Variants in SYN1 observed in about 807,000 individuals in gnomAD.
SYN1 encodes the protein synapsin I.
Under a neutral mutation model 44.6 loss-of-function variants are expected in SYN1, and 8 were observed. The ratio of observed to expected loss-of-function variants is 0.18; its 90% CI spans 0.11 to 0.32. The LOEUF is 0.32. SYN1 is among the 10% of genes least tolerant of loss of function. The pLI is 1.00. For synonymous variants in SYN1, 275 were observed against 280.1 expected (o/e 0.98, Z 0.18); for missense variants, 451 against 639.4 (o/e 0.71, Z 3.18).
chrX:47,598,044 G>A (rs908036591), intron 5 of SYN1, among the ~76,000 whole-genome samples: 8 of 111,965 alleles, frequency 7.1e-5, no homozygotes, highest in South Asian at 3.6e-4. Context: ...AGTCCTTCAG[G>A]GTGAAATAAA....
intron 5 of SYN1, among the ~76,000 whole-genome samples, chrX:47,604,014 T>A (rs1459821313): frequency 9.3e-6 from 1 of 107,234 alleles, no homozygotes; most frequent in African/African-American, 3.4e-5. Flanking sequence ...TTCCAGCGAT[T>A]CCCCTGCCTC....
chrX:47,609,687 G>A, intron 1 of SYN1, among the ~76,000 whole-genome samples: 1 of 112,325 alleles, frequency 8.9e-6, no homozygotes, highest in East Asian at 2.8e-4. Flanking sequence ...GTAGTGGGAG[G>A]TGGGGCATAG....
At chrX:47,582,327 T>C (rs936118498) in intron 5 of SYN1, 29 of 169,101 alleles carry the variant, frequency 1.7e-4, no homozygotes, top group Non-Finnish European at 3.4e-4. Flanking sequence ...GCACTGATGG[T>C]GGGTGGATGA....
chrX:47,586,107 C>T (rs1308694327), intron 5 of SYN1: 5 of 941,135 alleles, frequency 5.3e-6, no homozygotes, highest in Non-Finnish European at 6.7e-6. Flanking sequence ...GACCTCCTGG[C>T]TAGTCCAAGC....
intron 5 of SYN1, among the ~76,000 whole-genome samples, chrX:47,598,455 G>A (rs142250122): frequency 9.0e-6 from 1 of 111,408 alleles, no homozygotes; most frequent in East Asian, 2.8e-4. Flanking sequence ...ACAACACTTT[G>A]GGAGGCCAAG....
chrX:47,573,641 C>CG (rs767873056), intron 12 of SYN1, among the ~76,000 whole-genome samples: 39 of 109,463 alleles, frequency 3.6e-4, no homozygotes, highest in South Asian at 1.2e-3. Context: ...GGGTTGGTGG[C>CG]GGGGGGGCGA....
At chrX:47,577,417 C>T in intron 6 of SYN1, 22 bp downstream of exon 6, 1 of 1,202,721 alleles carries the variant, frequency 8.3e-7, no homozygotes, top group Non-Finnish European at 1.1e-6. Context: ...TCTACCTATG[C>T]ACAGCCCAGC....
chrX:47,582,684 C>T (rs1258117737), intron 5 of SYN1: 3 of 276,824 alleles, frequency 1.1e-5, no homozygotes, highest in Non-Finnish European at 2.2e-5. Flanking sequence ...GAACCCCTGA[C>T]ATCCGCCCCC....
In SYN1 at chrX:47,572,498, G is replaced by C. The variant is rs945942240; in HGVS notation, c.*366C>G. On this transcript the variant is annotated 3_prime_UTR_variant, in exon 13 of 13. Transcript: ENST00000295987. Reference sequence around the variant, plus strand: ...AAATAGGGTTTTCCAGGAACTTCAGGGCTCCAGGAAGGGATTCTGCAATGG... The same window carrying C: ...AAATAGGGTTTTCCAGGAACTTCAGCGCTCCAGGAAGGGATTCTGCAATGG... 1 of 178,687 alleles carries C rather than the reference G, an allele frequency of 5.6e-6. No homozygotes were observed. Among genetic ancestry groups the C allele is most frequent in the African/African-American group, 3.0e-5 (1 of 33,440 alleles). 14.7% of individuals were successfully genotyped at this position (178,687 alleles called of 1,213,427 possible).
At chrX:47,584,374 G>A (rs992126575) in intron 5 of SYN1, among the ~76,000 whole-genome samples, 1 of 109,777 alleles carries the variant, frequency 9.1e-6, no homozygotes, top group African/African-American at 3.3e-5. Context: ...AGAATATAGG[G>A]GTTCTTGCTA....
chrX:47,589,618 C>G (rs760857874), intron 5 of SYN1, among the ~76,000 whole-genome samples: 1 of 102,198 alleles, frequency 9.8e-6, no homozygotes, highest in African/African-American at 3.6e-5. Context: ...AAAAAAAAAG[C>G]AGGAACCCTG....
intron 1 of SYN1, among the ~76,000 whole-genome samples, chrX:47,608,598 G>A (rs1283710919): frequency 9.0e-6 from 1 of 110,687 alleles, no homozygotes; most frequent in Non-Finnish European, 1.9e-5. Flanking sequence ...ATGATGGGGG[G>A]CAGGGAGGAA....
At chrX:47,592,609 T>C (rs2057851561) in intron 5 of SYN1, among the ~76,000 whole-genome samples, 1 of 111,390 alleles carries the variant, frequency 9.0e-6, no homozygotes, top group Admixed American at 9.6e-5. Flanking sequence ...TGAACTGCCA[T>C]TTTCATGATG....
chrX:47,577,365 G>A, intron 6 of SYN1, 74 bp downstream of exon 6: 7 of 1,065,626 alleles, frequency 6.6e-6, no homozygotes, highest in East Asian at 3.2e-5. Flanking sequence ...CCCAGGAGAC[G>A]CGATCACACA....
intron 5 of SYN1, among the ~76,000 whole-genome samples, chrX:47,578,127 C>T (rs141763484): frequency 0.015 from 1,708 of 110,831 alleles, 30 homozygotes; most frequent in African/African-American, 0.052. Flanking sequence ...CGTGGGTCAG[C>T]AGCCAGCACT....
In SYN1 at chrX:47,576,515, C is replaced by T. The variant is rs776902936; in HGVS notation, c.963G>A (p.Gln321=). 1.7e-6 allele frequency: 2 copies of T among 1,212,043 alleles called. No homozygotes were observed. Among genetic ancestry groups the T allele is most frequent in the East Asian group, 5.9e-5 (2 of 33,846 alleles). The change falls in exon 7 of 13, where the codon CAG becomes CAA. Residue 321 remains glutamine (Q), a synonymous_variant. Coordinates refer to ENST00000295987, the MANE Select transcript of SYN1 (RefSeq NM_006950.3). The part of the protein sequence containing the change: ...KYDVRVQKIG[Q]NYKAYMRTSV... ...CCACTCACATGTAGGCCTTGTAGTTCTGCCCAATCTTCTGGACACGCACGT... is the reference window on the plus strand; with the variant it reads ...CCACTCACATGTAGGCCTTGTAGTTTTGCCCAATCTTCTGGACACGCACGT...
At chrX:47,594,441 A>G (rs1034072974) in intron 5 of SYN1, among the ~76,000 whole-genome samples, 7 of 108,313 alleles carry the variant, frequency 6.5e-5, no homozygotes, top group Non-Finnish European at 1.2e-4. Flanking sequence ...GGCTGATGCA[A>G]GAGAATTGCT....
chrX:47,594,028 T>C (rs2057856280), intron 5 of SYN1, among the ~76,000 whole-genome samples: 2 of 111,046 alleles, frequency 1.8e-5, no homozygotes, highest in African/African-American at 6.6e-5. Context: ...CTCAGGAGTT[T>C]GAGAGTAGCC....
At chrX:47,582,844 A>G (rs1379040628) in intron 5 of SYN1, among the ~76,000 whole-genome samples, 1 of 43,983 alleles carries the variant, frequency 2.3e-5, no homozygotes, top group Non-Finnish European at 4.2e-5. Context: ...CCCAATCCCC[A>G]GTTCCCCAGC....
Sources: allele counts gnomAD v4.1 joint callset (sites outside exome capture counted in the v4.1 genomes callset), GRCh38; gene constraint gnomAD v4.1.1; transcripts MANE v1.5; gene names NCBI Gene and HGNC (gene_info 2026-07-23, HGNC 2026-07-21).